AUTS2: variants seen among roughly 807,000 people sequenced by gnomAD.
AUTS2 encodes the protein activator of transcription and developmental regulator AUTS2.
Under a neutral mutation model 112.4 loss-of-function variants are expected in AUTS2, and 17 were observed. That is an observed-to-expected ratio of 0.15 (90% confidence interval 0.10 to 0.23). The LOEUF (loss-of-function observed/expected upper bound fraction) is 0.23. Ranked by LOEUF, AUTS2 falls within the 10% of genes least tolerant of loss-of-function variation. The pLI is 1.00. For missense variants in AUTS2, 1,510 were observed against 1,701.6 expected (o/e 0.89, Z 1.98); for synonymous variants, 751 against 702.7 (o/e 1.07, Z -1.09).
At chr7:70,112,312 A>G (rs1169271493) in intron 2 of AUTS2, among the ~76,000 whole-genome samples, 2 of 150,134 alleles carry the variant, frequency 1.3e-5, no homozygotes, top group Non-Finnish European at 1.5e-5. Flanking sequence ...ACTTTTTATC[A>G]TAGAGAAGTC....
At chr7:69,861,674 CTAAT>C (rs1323233400) in intron 1 of AUTS2, among the ~76,000 whole-genome samples, 1 of 152,102 alleles carries the variant, frequency 6.6e-6, no homozygotes, top group Non-Finnish European at 1.5e-5. Flanking sequence ...TTTCTTTTGC[CTAAT>C]TAATTACCTC....
At chr7:69,764,679 A>G (rs1183457156) in intron 1 of AUTS2, among the ~76,000 whole-genome samples, 1 of 152,200 alleles carries the variant, frequency 6.6e-6, no homozygotes, top group African/African-American at 2.4e-5. Flanking sequence ...GAAAAATGCA[A>G]AACTTGTATA....
At chr7:70,388,694 T>C (rs1400177790) in intron 4 of AUTS2, among the ~76,000 whole-genome samples, 2 of 152,194 alleles carry the variant, frequency 1.3e-5, no homozygotes, top group African/African-American at 2.4e-5. Context: ...TAGAAAGAGA[T>C]AGTTATCCTA....
chr7:70,079,952 C>T (rs1803223065), intron 2 of AUTS2, among the ~76,000 whole-genome samples: 1 of 152,140 alleles, frequency 6.6e-6, no homozygotes, highest in Non-Finnish European at 1.5e-5. Flanking sequence ...AGAACATGCT[C>T]AAGAGAGTTT....
intron 5 of AUTS2, among the ~76,000 whole-genome samples, chr7:70,671,664 C>CT (rs200940453): frequency 1.1e-4 from 16 of 152,240 alleles, no homozygotes; most frequent in Non-Finnish European, 1.6e-4. Flanking sequence ...AATAACCCCC[C>CT]CTATGAATGA....
At chr7:70,185,360 G>T (rs181292522) in intron 4 of AUTS2, among the ~76,000 whole-genome samples, 10 of 146,110 alleles carry the variant, frequency 6.8e-5, no homozygotes, top group Non-Finnish European at 1.5e-4. Flanking sequence ...TCCTACCTTG[G>T]CCTCCCAAAG....
intron 4 of AUTS2, among the ~76,000 whole-genome samples, chr7:70,174,072 A>C (rs1170151100): frequency 6.6e-6 from 1 of 151,786 alleles, no homozygotes; most frequent in African/African-American, 2.4e-5. Flanking sequence ...CTGAAAGCTA[A>C]GTCTCTTGCA....
intron 1 of AUTS2, among the ~76,000 whole-genome samples, chr7:69,837,783 G>T (rs1372078174): frequency 1.3e-5 from 2 of 152,190 alleles, no homozygotes; most frequent in Non-Finnish European, 2.9e-5. Context: ...AAGAAATAAA[G>T]TGACACTGAG....
chr7:70,423,348 A>G (rs543698810), intron 4 of AUTS2, among the ~76,000 whole-genome samples: 33 of 152,230 alleles, frequency 2.2e-4, no homozygotes, highest in Non-Finnish European at 4.7e-4. Flanking sequence ...TATCAAAACT[A>G]TCTCCTAATT....
intron 16 of AUTS2, 55 bp from the exon 17 acceptor site, chr7:70,785,900 G>A: frequency 6.4e-7 from 1 of 1,565,826 alleles, no homozygotes; most frequent in Non-Finnish European, 8.8e-7. Flanking sequence ...GAAGCTCTGG[G>A]TTCCTCTCCC....
intron 5 of AUTS2, among the ~76,000 whole-genome samples, chr7:70,594,872 C>T (rs978406665): frequency 2.0e-5 from 3 of 152,098 alleles, no homozygotes; most frequent in Non-Finnish European, 4.4e-5. Context: ...AAGGCCGAGG[C>T]GGGTGGATCA....
chr7:70,067,409 C>T (rs2129561793), intron 2 of AUTS2, among the ~76,000 whole-genome samples: 1 of 152,314 alleles, frequency 6.6e-6, no homozygotes, highest in East Asian at 1.9e-4. Flanking sequence ...CTACTAACTT[C>T]TGGGAAAAAT....
intron 5 of AUTS2, among the ~76,000 whole-genome samples, chr7:70,497,304 G>A (rs367655367): frequency 4.1e-5 from 6 of 146,318 alleles, no homozygotes; most frequent in South Asian, 2.2e-4. Context: ...TCACATCAGC[G>A]TCGATCACAC....
chr7:70,017,865 T>TTA (rs1051584509), intron 2 of AUTS2, among the ~76,000 whole-genome samples: 8 of 146,542 alleles, frequency 5.5e-5, no homozygotes, highest in Non-Finnish European at 9.1e-5. Flanking sequence ...TATATTATAT[T>TTA]TATATATATA....
intron 2 of AUTS2, among the ~76,000 whole-genome samples, chr7:69,978,817 G>A (rs1006698689): frequency 1.9e-4 from 29 of 150,744 alleles, no homozygotes; most frequent in African/African-American, 7.1e-4. Flanking sequence ...CTGTATTCCA[G>A]CCTGGACGGA....
intron 5 of AUTS2, among the ~76,000 whole-genome samples, chr7:70,556,733 AC>A (rs898561845): frequency 2.6e-5 from 4 of 152,052 alleles, no homozygotes; most frequent in Non-Finnish European, 5.9e-5. Flanking sequence ...TCTGATAACC[AC>A]CCAGTTTTCT....
intron 5 of AUTS2, among the ~76,000 whole-genome samples, chr7:70,479,220 C>T (rs1445719286): frequency 1.2e-4 from 18 of 152,116 alleles, no homozygotes; most frequent in Admixed American, 1.1e-3. Context: ...GTCCTTTTCA[C>T]TTCTTTCCTA....
At chr7:69,760,507 A>T (rs1260190774) in intron 1 of AUTS2, among the ~76,000 whole-genome samples, 1 of 152,104 alleles carries the variant, frequency 6.6e-6, no homozygotes, top group Non-Finnish European at 1.5e-5. Flanking sequence ...TCCTACATAC[A>T]AAGAGCTGCT....
At chr7:69,835,466 G>T (rs992998448) in intron 1 of AUTS2, among the ~76,000 whole-genome samples, 2 of 152,170 alleles carry the variant, frequency 1.3e-5, no homozygotes, top group African/African-American at 4.8e-5. Context: ...CACTGTTAGT[G>T]GGAGCTTAGA....
Sources: gnomAD v4.1 joint callset for allele counts (sites outside exome capture counted in the v4.1 genomes callset) on GRCh38, gnomAD v4.1.1 for gene constraint, MANE v1.5 for transcripts, NCBI Gene and HGNC (gene_info 2026-07-23, HGNC 2026-07-21) for gene names.